SEMA6D: variants seen among roughly 807,000 people sequenced by gnomAD.
The protein encoded by SEMA6D is semaphorin 6D, also known as semaphorin-6D.
SEMA6D carries 35 observed loss-of-function variants against 106.6 expected under a neutral mutation model. The observed-to-expected ratio is 0.33, with a 90% confidence interval of 0.25 to 0.44. The LOEUF (loss-of-function observed/expected upper bound fraction) is 0.44. SEMA6D is among the 20% of genes least tolerant of loss of function. The pLI is 1.00. For missense variants in SEMA6D, 1,185 were observed against 1,345.9 expected (o/e 0.88, Z 1.87); for synonymous variants, 499 against 487.7 (o/e 1.02, Z -0.31).
chr15:47,380,878 C>T (rs1021067669), intron 1 of SEMA6D, among the ~76,000 whole-genome samples: 23 of 152,206 alleles, frequency 1.5e-4, no homozygotes, highest in African/African-American at 5.3e-4. Flanking sequence ...ACTTAAAAGT[C>T]AGTTGAAAGC....
intron 3 of SEMA6D, among the ~76,000 whole-genome samples, chr15:47,493,602 A>G (rs2043541450): frequency 6.6e-6 from 1 of 152,174 alleles, no homozygotes; most frequent in African/African-American, 2.4e-5. Context: ...ATGTGAGCTC[A>G]CAATTACACC....
At chr15:47,701,710 G>T (rs950306792) in intron 4 of SEMA6D, among the ~76,000 whole-genome samples, 2 of 152,172 alleles carry the variant, frequency 1.3e-5, no homozygotes, top group Admixed American at 1.3e-4. Context: ...GTAGAAATAT[G>T]TAATGTAGCA....
chr15:47,536,595 C>G (rs753018583), intron 3 of SEMA6D, among the ~76,000 whole-genome samples: 1 of 152,172 alleles, frequency 6.6e-6, no homozygotes, highest in Non-Finnish European at 1.5e-5. Context: ...TCCATGTCTT[C>G]ACCTGAAAAA....
rs139149541 is a variant in SEMA6D, at chr15:47,553,937, T to C, written c.-86-46928T>C. Reference sequence around the variant, plus strand: ...GCACTCTGCTCTTAGCAACTCATTTTAGAAGGATGACAGCCAGAGTGTGAC... The same window carrying C: ...GCACTCTGCTCTTAGCAACTCATTTCAGAAGGATGACAGCCAGAGTGTGAC... On this transcript the variant is annotated intron_variant, in intron 3 of 19. Coordinates refer to the SEMA6D transcript ENST00000558014. 1.7e-4 allele frequency among the ~76,000 whole-genome samples: 26 copies of C among 152,306 alleles called. 1 individual carries two copies. The highest frequency in any genetic ancestry group is 6.3e-4 in the African/African-American group (26 of 41,586).
intron 3 of SEMA6D, among the ~76,000 whole-genome samples, chr15:47,598,258 G>A (rs76465975): frequency 0.015 from 2,263 of 152,168 alleles, 26 homozygotes; most frequent in Non-Finnish European, 0.025. Context: ...GGGCACTTCA[G>A]TGCCCTCATA....
chr15:47,295,521 T>C (rs1472006645), intron 1 of SEMA6D, among the ~76,000 whole-genome samples: 1 of 152,156 alleles, frequency 6.6e-6, no homozygotes, highest in African/African-American at 2.4e-5. Flanking sequence ...TTTAGATTAC[T>C]CTCCTAAAGA....
At chr15:47,249,631 C>T (rs2033399508) in intron 1 of SEMA6D, among the ~76,000 whole-genome samples, 1 of 152,072 alleles carries the variant, frequency 6.6e-6, no homozygotes, top group South Asian at 2.1e-4. Context: ...CCTAAGTGTG[C>T]TGAATCTATT....
At chr15:47,602,745 G>C (rs2076689822) in intron 4 of SEMA6D, among the ~76,000 whole-genome samples, 1 of 152,128 alleles carries the variant, frequency 6.6e-6, no homozygotes, top group Non-Finnish European at 1.5e-5. Context: ...TCTTGTTCCA[G>C]TTGTAAAGAT....
chr15:47,564,958 G>A (rs757219473), intron 3 of SEMA6D, among the ~76,000 whole-genome samples: 44 of 152,152 alleles, frequency 2.9e-4, no homozygotes, highest in Non-Finnish European at 5.1e-4. Context: ...TTCAGGAGAA[G>A]ATTACCTATA....
intron 1 of SEMA6D, among the ~76,000 whole-genome samples, chr15:47,264,563 G>T (rs1274242230): frequency 6.6e-6 from 1 of 151,970 alleles, no homozygotes; most frequent in Non-Finnish European, 1.5e-5. Flanking sequence ...AATTGTCATT[G>T]TATATATGTG....
intron 1 of SEMA6D, among the ~76,000 whole-genome samples, chr15:47,733,553 ACT>A (rs1470451975): frequency 6.6e-6 from 1 of 151,952 alleles, no homozygotes; most frequent in Non-Finnish European, 1.5e-5. Flanking sequence ...TTGCTTCGCT[ACT>A]CTCTCTATAT....
intron 1 of SEMA6D, among the ~76,000 whole-genome samples, chr15:47,291,198 G>C (rs1296623017): frequency 1.3e-5 from 2 of 152,200 alleles, no homozygotes; most frequent in Non-Finnish European, 2.9e-5. Context: ...AAATTTGAAT[G>C]ATCCTATTTG....
chr15:47,188,019 T>G (rs1893692650), intron 1 of SEMA6D, among the ~76,000 whole-genome samples: 1 of 152,202 alleles, frequency 6.6e-6, no homozygotes, highest in South Asian at 2.1e-4. Flanking sequence ...TAAGAGAGTT[T>G]CATGGTGTCT....
chr15:47,339,443 C>T (rs2037719253), intron 1 of SEMA6D, among the ~76,000 whole-genome samples: 1 of 152,078 alleles, frequency 6.6e-6, no homozygotes, highest in South Asian at 2.1e-4. Context: ...AGAGGGGAAG[C>T]CTCTGCACAT....
intron 2 of SEMA6D, among the ~76,000 whole-genome samples, chr15:47,429,515 G>A (rs535513432): frequency 6.6e-6 from 1 of 152,058 alleles, no homozygotes; most frequent in Non-Finnish European, 1.5e-5. Flanking sequence ...CAATATCTTT[G>A]AGCGTATTGT....
At chr15:47,389,897 T>C (rs369211510) in intron 1 of SEMA6D, among the ~76,000 whole-genome samples, 9 of 152,202 alleles carry the variant, frequency 5.9e-5, no homozygotes, top group African/African-American at 2.2e-4. Context: ...ATTCCAACTA[T>C]TTTCTCCTAA....
intron 1 of SEMA6D, among the ~76,000 whole-genome samples, chr15:47,207,993 G>GCACACA (rs57079521): frequency 0.037 from 3,306 of 89,160 alleles, 96 homozygotes; most frequent in Non-Finnish European, 0.042. Flanking sequence ...TGGCGCGCGC[G>GCACACA]CACACACACA....
At chr15:47,525,340 A>G (rs1435315509) in intron 3 of SEMA6D, 1 of 152,204 alleles carries the variant, frequency 6.6e-6, no homozygotes, top group Non-Finnish European at 1.5e-5. Context: ...CTGCTTCATC[A>G]TGAGACACCT....
At chr15:47,751,058 G>GTGA (rs1454582731) in intron 1 of SEMA6D, among the ~76,000 whole-genome samples, 6 of 152,172 alleles carry the variant, frequency 3.9e-5, no homozygotes. Flanking sequence ...TGTATATATA[G>GTGA]TGATGATTAA....
Sources: gnomAD v4.1 joint callset for allele counts (sites outside exome capture counted in the v4.1 genomes callset) on GRCh38, gnomAD v4.1.1 for gene constraint, MANE v1.5 for transcripts, NCBI Gene and HGNC (gene_info 2026-07-23, HGNC 2026-07-21) for gene names.